Variants in HACD3 observed in about 807,000 individuals in gnomAD.
The protein encoded by HACD3 is 3-hydroxyacyl-CoA dehydratase 3, also known as very-long-chain (3R)-3-hydroxyacyl-CoA dehydratase 3.
HACD3 carries 30 observed loss-of-function variants against 55.2 expected under a neutral mutation model. The ratio of observed to expected loss-of-function variants is 0.54; its 90% CI spans 0.41 to 0.74. The LOEUF (loss-of-function observed/expected upper bound fraction) is 0.74, where lower values mean the gene tolerates loss of function less well. Among genes scored for constraint, HACD3 ranks in the 30% least tolerant of loss-of-function variants. The probability of loss-of-function intolerance (pLI) is 0.00; values close to 1 mark genes in which losing one functional copy is unlikely to be tolerated. For missense variants in HACD3, 363 were observed against 440.1 expected, an observed-to-expected ratio of 0.82 and a Z score of 1.57; for synonymous variants, 141 against 151.7, an observed-to-expected ratio of 0.93 and a Z score of 0.52.
intron 1 of HACD3, among the ~76,000 whole-genome samples, chr15:65,537,296 T>C (rs2071964073): frequency 6.6e-6 from 1 of 152,226 alleles, no homozygotes; most frequent in Non-Finnish European, 1.5e-5. Flanking sequence ...GTGGCTGCAC[T>C]GAACAACAGA....
At chr15:65,555,773 A>G (rs28457012) in intron 3 of HACD3, among the ~76,000 whole-genome samples, 1 of 152,034 alleles carries the variant, frequency 6.6e-6, no homozygotes, top group Non-Finnish European at 1.5e-5. Flanking sequence ...TCTGTAACTG[A>G]TCCAATACAG....
chr15:65,561,683 G>A (rs2072245997), intron 5 of HACD3, among the ~76,000 whole-genome samples: 1 of 152,056 alleles, frequency 6.6e-6, no homozygotes, highest in African/African-American at 2.4e-5. Flanking sequence ...CACATACCAA[G>A]CAAGCAATGA....
intron 1 of HACD3, among the ~76,000 whole-genome samples, chr15:65,548,254 A>C (rs2072095644): frequency 6.6e-6 from 1 of 152,092 alleles, no homozygotes; most frequent in Non-Finnish European, 1.5e-5. Flanking sequence ...TCATGCCTGT[A>C]ATCCCAGCAG....
At chr15:65,534,763 C>G (rs1406662113) in intron 1 of HACD3, among the ~76,000 whole-genome samples, 1 of 152,192 alleles carries the variant, frequency 6.6e-6, no homozygotes. Context: ...ACCTGACGCT[C>G]TTCATCCAGA....
At chr15:65,537,963 ATATATATATATAT>A (rs2071980121) in intron 1 of HACD3, among the ~76,000 whole-genome samples, 1 of 2,850 alleles carries the variant, frequency 3.5e-4, no homozygotes, top group Non-Finnish European at 6.6e-4. Flanking sequence ...AAAAAAATAT[ATATATATATATAT>A]ATATATATAT....
chr15:65,555,056 T>C (rs2072175448), intron 3 of HACD3, 96 bp downstream of exon 3: 4 of 984,676 alleles, frequency 4.1e-6, no homozygotes, highest in South Asian at 2.9e-5. Flanking sequence ...GAGAAGAAGA[T>C]AAAAACCAAA....
chr15:65,545,550 T>TCTCCTGCCTCAGC (rs897905032), intron 1 of HACD3, among the ~76,000 whole-genome samples: 4 of 151,814 alleles, frequency 2.6e-5, no homozygotes, highest in Non-Finnish European at 4.4e-5. Flanking sequence ...TTCACGCCAT[T>TCTCCTGCCTCAGC]CTCCTGCCTC....
chr15:65,576,180 G>A, intron 10 of HACD3, 123 bp from the exon 11 acceptor site: 3 of 1,400,550 alleles, frequency 2.1e-6, no homozygotes, highest in Non-Finnish European at 2.9e-6. Context: ...TCCTTCCTGA[G>A]CCGCTGCAAT....
chr15:65,533,471 C>T (rs2071922640), intron 1 of HACD3, among the ~76,000 whole-genome samples: 1 of 152,134 alleles, frequency 6.6e-6, no homozygotes, highest in South Asian at 2.1e-4. Context: ...TTTGGTATTT[C>T]GTGAGTGGCA....
intron 1 of HACD3, among the ~76,000 whole-genome samples, chr15:65,543,895 G>A (rs1194754284): frequency 1.3e-5 from 2 of 152,178 alleles, no homozygotes; most frequent in African/African-American, 2.4e-5. Context: ...TCTGTGAGTC[G>A]GCGGGGCGTG....
intron 7 of HACD3, among the ~76,000 whole-genome samples, chr15:65,569,100 T>C (rs892880074): frequency 2.0e-5 from 3 of 151,746 alleles, no homozygotes; most frequent in Non-Finnish European, 2.9e-5. Flanking sequence ...TAGAAAAAAT[T>C]AGCTGAGCGT....
At chr15:65,559,235 A>G (rs1374241333) in intron 5 of HACD3, among the ~76,000 whole-genome samples, 2 of 152,128 alleles carry the variant, frequency 1.3e-5, no homozygotes, top group African/African-American at 4.8e-5. Flanking sequence ...AAGCTCTGTA[A>G]GTGTATTATC....
intron 1 of HACD3, among the ~76,000 whole-genome samples, chr15:65,538,827 C>T (rs1030853289): frequency 1.3e-5 from 2 of 152,184 alleles, no homozygotes; most frequent in South Asian, 2.1e-4. Flanking sequence ...CTGGATCAGT[C>T]CACAGCCATC....
intron 1 of HACD3, among the ~76,000 whole-genome samples, chr15:65,537,481 C>T (rs1159382799): frequency 6.6e-6 from 1 of 151,582 alleles, no homozygotes; most frequent in Non-Finnish European, 1.5e-5. Context: ...TCTGAAAATC[C>T]TAGGGCCCTT....
Position 65,570,198 on chromosome 15 carries a change from T to C in HACD3, c.768T>C (p.Ile256=), listed in dbSNP as rs760211323. The change falls in exon 8 of 11, where the codon ATT becomes ATC. Residue 256 remains isoleucine (I), a synonymous_variant. Coordinates refer to ENST00000261875, the MANE Select transcript of HACD3 (RefSeq NM_016395.4). Reference sequence around the variant, plus strand: ...TTTATTTGTGGAGTGCAATTGAAATTTTCAGGTGGGTAGAAATGCCAGGAT... The same window carrying C: ...TTTATTTGTGGAGTGCAATTGAAATCTTCAGGTGGGTAGAAATGCCAGGAT... ...FVFYLWSAIE[I]FRYSFYMLTC... The C allele has an allele frequency of 6.2e-7, 1 of 1,600,516 alleles. No homozygotes were observed. Among genetic ancestry groups the C allele is most frequent in the Non-Finnish European group, 8.6e-7 (1 of 1,168,420 alleles).
intron 4 of HACD3, 106 bp from the exon 5 acceptor site, chr15:65,558,574 A>G: frequency 9.9e-7 from 1 of 1,013,508 alleles, no homozygotes; most frequent in South Asian, 1.4e-5. Flanking sequence ...CCCCAACTGG[A>G]GGAGTTGGCT....
At chr15:65,536,534 G>T (rs1249889703) in intron 1 of HACD3, among the ~76,000 whole-genome samples, 1 of 152,088 alleles carries the variant, frequency 6.6e-6, no homozygotes, top group African/African-American at 2.4e-5. Context: ...GCTGTGGTGG[G>T]TGTGTCACTT....
At chr15:65,570,000 C>T in intron 7 of HACD3, 91 bp from the exon 8 acceptor site, 6 of 805,956 alleles carry the variant, frequency 7.4e-6, no homozygotes, top group Non-Finnish European at 1.1e-5. Context: ...ATTTGCCTTG[C>T]ATTTAGTGGG....
intron 1 of HACD3, among the ~76,000 whole-genome samples, chr15:65,541,902 A>G (rs1471786172): frequency 2.6e-5 from 4 of 152,184 alleles, no homozygotes; most frequent in Non-Finnish European, 1.5e-5. Context: ...TGTATATTGT[A>G]TGCTAATTTT....
Sources: allele counts gnomAD v4.1 joint callset (sites outside exome capture counted in the v4.1 genomes callset), GRCh38; gene constraint gnomAD v4.1.1; transcripts MANE v1.5; gene names NCBI Gene and HGNC (gene_info 2026-07-23, HGNC 2026-07-21).